Variants in LINGO2 observed in about 807,000 individuals in gnomAD.
LINGO2 encodes leucine-rich repeat and immunoglobulin-like domain-containing nogo receptor-interacting protein 2.
A neutral mutation model predicts 30.6 loss-of-function variants in LINGO2; 14 were observed. The ratio of observed to expected loss-of-function variants is 0.46; its 90% confidence interval spans 0.30 to 0.72. LINGO2 has a LOEUF of 0.72. Among genes scored for constraint, LINGO2 ranks in the 30% least tolerant of loss-of-function variants. LINGO2 has a pLI of 0.07. For missense variants in LINGO2, 729 were observed against 751.7 expected (o/e 0.97, Z 0.35); for synonymous variants, 317 against 288.5 (o/e 1.10, Z -1.00).
At chr9:28,032,075 A>G (rs1823705991) in intron 4 of LINGO2, among the ~76,000 whole-genome samples, 1 of 151,988 alleles carries the variant, frequency 6.6e-6, no homozygotes. Flanking sequence ...TGAAGACAGC[A>G]AAGAAAAACC....
At chr9:28,584,417 TATA>T (rs1279678009) in intron 1 of LINGO2, among the ~76,000 whole-genome samples, 2 of 152,052 alleles carry the variant, frequency 1.3e-5, no homozygotes, top group Non-Finnish European at 2.9e-5. Context: ...TAACACTTTG[TATA>T]ATCCATTGAG....
chr9:28,375,964 ACT>A (rs1313491902), intron 2 of LINGO2, among the ~76,000 whole-genome samples: 1 of 151,786 alleles, frequency 6.6e-6, no homozygotes, highest in Non-Finnish European at 1.5e-5. Context: ...GAGAAGCGTC[ACT>A]CTCTTTGCCA....
the LINGO2 span, among the ~76,000 whole-genome samples, chr9:29,121,678 T>C: frequency 5.3e-5 from 8 of 152,184 alleles, no homozygotes; most frequent in South Asian, 1.7e-3. Flanking sequence ...AAGGAGTCCA[T>C]ATGATCAACA....
At chr9:28,496,640 A>G (rs1224574968) in intron 1 of LINGO2, among the ~76,000 whole-genome samples, 1 of 151,990 alleles carries the variant, frequency 6.6e-6, no homozygotes, top group Non-Finnish European at 1.5e-5. Flanking sequence ...TTTTAATTAG[A>G]GCATTTAGTC....
chr9:28,168,782 A>C (rs539348279), intron 4 of LINGO2, among the ~76,000 whole-genome samples: 3 of 152,378 alleles, frequency 2.0e-5, no homozygotes, highest in Non-Finnish European at 4.4e-5. Context: ...ATGTATTACA[A>C]TTGGGACAAT....
intron 4 of LINGO2, among the ~76,000 whole-genome samples, chr9:28,203,860 C>G (rs1458303204): frequency 1.2e-4 from 18 of 152,060 alleles, no homozygotes; most frequent in Non-Finnish European, 1.5e-5. Flanking sequence ...TTTTAAAAAG[C>G]AAACCCAAAA....
intron 5 of LINGO2, among the ~76,000 whole-genome samples, chr9:27,987,040 TTG>T (rs1164094934): frequency 1.3e-5 from 2 of 151,636 alleles, no homozygotes; most frequent in African/African-American, 2.4e-5. Context: ...CGACTTTTTT[TTG>T]TGTGTGTGTG....
intron 4 of LINGO2, among the ~76,000 whole-genome samples, chr9:28,066,366 T>C (rs1228539884): frequency 3.9e-5 from 6 of 152,168 alleles, no homozygotes; most frequent in Non-Finnish European, 5.9e-5. Context: ...CTGCTTAGCA[T>C]GATTATTAAA....
chr9:28,806,091 AT>A, the LINGO2 span, among the ~76,000 whole-genome samples: 77,521 of 151,744 alleles, frequency 0.51, 20,516 homozygotes, highest in Middle Eastern at 0.66. Flanking sequence ...TCAATCTTCC[AT>A]TTGGTCCAGG....
the LINGO2 span, among the ~76,000 whole-genome samples, chr9:28,879,306 G>A: frequency 3.3e-5 from 5 of 152,128 alleles, no homozygotes; most frequent in African/African-American, 1.2e-4. Context: ...CATGTCCAAA[G>A]GCATATGGAT....
chr9:28,683,490 T>C, the LINGO2 span, among the ~76,000 whole-genome samples: 1 of 152,092 alleles, frequency 6.6e-6, no homozygotes, highest in Non-Finnish European at 1.5e-5. Flanking sequence ...CCCCAAGCAA[T>C]AGGACTGTTT....
chr9:28,284,743 T>A (rs1399439505), intron 4 of LINGO2, among the ~76,000 whole-genome samples: 3 of 152,212 alleles, frequency 2.0e-5, no homozygotes, highest in Non-Finnish European at 2.9e-5. Context: ...AAGATATATG[T>A]TAACATTTCA....
the LINGO2 span, among the ~76,000 whole-genome samples, chr9:29,093,006 C>T: frequency 9.2e-6 from 1 of 108,542 alleles, no homozygotes; most frequent in Non-Finnish European, 1.8e-5. Context: ...GAATGATTAA[C>T]ATATATATAT....
the LINGO2 span, among the ~76,000 whole-genome samples, chr9:29,127,692 C>A: frequency 6.6e-6 from 1 of 152,060 alleles, no homozygotes; most frequent in Non-Finnish European, 1.5e-5. Context: ...CCGGCTGGAG[C>A]CACTCTCTGG....
At chr9:29,147,092 A>G in the LINGO2 span, among the ~76,000 whole-genome samples, 1 of 152,294 alleles carries the variant, frequency 6.6e-6, no homozygotes, top group East Asian at 1.9e-4. Flanking sequence ...AGAATTGTAA[A>G]GCATGTACAC....
At chr9:28,201,210 A>G (rs1321658858) in intron 4 of LINGO2, among the ~76,000 whole-genome samples, 4 of 145,646 alleles carry the variant, frequency 2.7e-5, no homozygotes, top group South Asian at 2.2e-4. Flanking sequence ...TATATCTCCC[A>G]ATGCTATCCC....
chr9:28,335,216 C>T (rs764726428), intron 3 of LINGO2, among the ~76,000 whole-genome samples: 4 of 152,120 alleles, frequency 2.6e-5, no homozygotes, highest in African/African-American at 9.7e-5. Flanking sequence ...TGTCAAATGA[C>T]AGGTGGAAAC....
intron 2 of LINGO2, among the ~76,000 whole-genome samples, chr9:28,446,827 C>T (rs1270254414): frequency 6.6e-6 from 1 of 152,174 alleles, no homozygotes; most frequent in South Asian, 2.1e-4. Context: ...CCTTCCCATT[C>T]CCTTTGGGCT....
At chr9:28,915,782 G>C in the LINGO2 span, among the ~76,000 whole-genome samples, 1 of 152,116 alleles carries the variant, frequency 6.6e-6, no homozygotes, top group African/African-American at 2.4e-5. Flanking sequence ...AATAAGATAT[G>C]TATTATCCCT....
Sources: gnomAD v4.1 joint callset for allele counts (sites outside exome capture counted in the v4.1 genomes callset) on GRCh38, gnomAD v4.1.1 for gene constraint, MANE v1.5 for transcripts, NCBI Gene and HGNC (gene_info 2026-07-23, HGNC 2026-07-21) for gene names.